MYCBP2: variants seen among roughly 807,000 people sequenced by gnomAD.
The protein encoded by MYCBP2 is MYC binding protein 2.
A neutral mutation model predicts 525.3 loss-of-function variants in MYCBP2; 120 were observed. The observed-to-expected ratio is 0.23, with a 90% CI of 0.20 to 0.27. The LOEUF (loss-of-function observed/expected upper bound fraction) is 0.27. Ranked by LOEUF, MYCBP2 falls within the 10% of genes least tolerant of loss-of-function variation. MYCBP2 has a pLI of 1.00. For synonymous variants in MYCBP2, 1,894 were observed against 1,955.8 expected, an observed-to-expected ratio of 0.97 and a Z score of 0.83; for missense variants, 4,149 against 5,657.1, an observed-to-expected ratio of 0.73 and a Z score of 8.55.
At chr13:77,274,761 C>T (rs995842901) in intron 4 of MYCBP2, among the ~76,000 whole-genome samples, 10 of 152,164 alleles carry the variant, frequency 6.6e-5, no homozygotes, top group African/African-American at 1.4e-4. Flanking sequence ...TCTTACCATT[C>T]GCTTTTGCCC....
In MYCBP2 at chr13:77,047,886, A is replaced by G. The variant is rs776265201; in HGVS notation, c.13922-2393T>C. ...GCACATTCCTTCCCCTTTCCAGTCC[A>G]TAAAAACCCTGGGCCCCAGCCTCAC... On this transcript the variant is annotated intron_variant, in intron 82 of 82. Transcript: ENST00000544440. Among the ~76,000 whole-genome samples, 72 of 152,064 alleles carry G rather than the reference A, an allele frequency of 4.7e-4. 2 individuals carry two copies. The highest frequency in any genetic ancestry group is 1.5e-4 in the Non-Finnish European group (10 of 67,994).
chr13:77,055,217 A>G (rs1034073600), intron 80 of MYCBP2, among the ~76,000 whole-genome samples: 2 of 152,122 alleles, frequency 1.3e-5, no homozygotes, highest in South Asian at 4.1e-4. Context: ...CTGGAAGCCA[A>G]GGAATTAAGG....
intron 52 of MYCBP2, among the ~76,000 whole-genome samples, chr13:77,138,186 C>T (rs190225325): frequency 6.6e-5 from 10 of 152,324 alleles, no homozygotes; most frequent in African/African-American, 2.4e-4. Context: ...ACATATCTTC[C>T]TTCTCTTTCT....
At chr13:77,176,671 A>G (rs763756500) in intron 35 of MYCBP2, 43 bp from the exon 36 acceptor site, 12 of 1,401,936 alleles carry the variant, frequency 8.6e-6, no homozygotes, top group Non-Finnish European at 1.0e-5. Flanking sequence ...ACAGACTCTT[A>G]ATTTTATTGT....
chr13:77,236,007 G>A (rs1310486605), intron 17 of MYCBP2, among the ~76,000 whole-genome samples: 4 of 152,114 alleles, frequency 2.6e-5, no homozygotes, highest in African/African-American at 9.7e-5. Flanking sequence ...TAGCCTTTTG[G>A]TTTTAAACAG....
chr13:77,087,766 C>T, intron 61 of MYCBP2, 133 bp from the exon 62 acceptor site: 1 of 793,604 alleles, frequency 1.3e-6, no homozygotes, highest in Non-Finnish European at 1.9e-6. Context: ...AAAAAAAATG[C>T]CTTATAGTTT....
chr13:77,249,112 A>G (rs1594324098), intron 15 of MYCBP2, among the ~76,000 whole-genome samples: 2 of 152,320 alleles, frequency 1.3e-5, no homozygotes, highest in South Asian at 4.1e-4. Context: ...GAGGCAGGGG[A>G]GAGGGAAGAA....
rs2038726033 is a variant in MYCBP2, at chr13:77,058,937, A to T, written c.13141-531T>A. On this transcript the variant is annotated intron_variant, in intron 77 of 82. Coordinates refer to ENST00000544440, the MANE Select transcript of MYCBP2 (RefSeq NM_015057.5). The surrounding 1 kb of genome is among the most constrained non-coding windows in gnomAD (Gnocchi z 4.1). The stretch of plus-strand genomic sequence containing the variant: ...GAGGCGGAGGTTGCAGTGAGCCGAG[A>T]TCGTGCCACTGTACTCCAGCCTGGG... Among the ~76,000 whole-genome samples the T allele has an allele frequency of 6.6e-6, 1 of 152,172 alleles. No individual in the cohort carries two copies. Among genetic ancestry groups the T allele is most frequent in the South Asian group, 2.1e-4 (1 of 4,822 alleles).
rs1277421327 is a variant in MYCBP2 at position 77,058,559 on chromosome 13, G to C, written c.13141-153C>G. Among the ~76,000 whole-genome samples the C allele has an allele frequency of 4.0e-5, 6 of 151,306 alleles. No individual in the cohort carries two copies. Among genetic ancestry groups the C allele is most frequent in the Non-Finnish European group, 5.9e-5 (4 of 67,832 alleles). On this transcript the variant is annotated intron_variant, in intron 77 of 82. Transcript: ENST00000544440. The surrounding 1 kb of genome is among the most constrained non-coding windows in gnomAD (Gnocchi z 4.1). The stretch of plus-strand genomic sequence containing the variant: ...CAAAGTAAAGTTATTTCTAATCTTT[G>C]TTTGAATATAAATTAGGCTTCTTAA...
At chr13:77,129,575 T>A (rs1162319191) in intron 52 of MYCBP2, 2 of 167,092 alleles carry the variant, frequency 1.2e-5, no homozygotes, top group Non-Finnish European at 2.6e-5. Context: ...AAGCCAGATT[T>A]GTTTTATGAC....
chr13:77,297,178 T>C (rs2078283007), intron 1 of MYCBP2, among the ~76,000 whole-genome samples: 1 of 152,228 alleles, frequency 6.6e-6, no homozygotes, highest in South Asian at 2.1e-4. Context: ...GACCAAATTA[T>C]TCTTTAAGCA....
chr13:77,051,094 A>G lies in MYCBP2; in HGVS notation c.13824T>C (p.Phe4608=), dbSNP rs1038146215. ...KCRYCCSVAV[F]FCFGTTHFCN... ...AAAAATGTGTTGTTCCAAAACAGAA[A>G]AAAACAGCCACTGAACAGCAGTAGC... Residue 4608 remains phenylalanine, a synonymous_variant, in exon 82 of 83, where the codon TTT becomes TTC. Coordinates refer to ENST00000544440, the MANE Select transcript of MYCBP2 (RefSeq NM_015057.5). 1.9e-6 allele frequency: 3 copies of G among 1,613,738 alleles called. No homozygotes were observed. The highest frequency in any genetic ancestry group is 2.5e-6 in the Non-Finnish European group (3 of 1,179,922).
intron 54 of MYCBP2, among the ~76,000 whole-genome samples, chr13:77,124,594 A>G (rs2051327532): frequency 6.6e-6 from 1 of 152,216 alleles, no homozygotes; most frequent in Non-Finnish European, 1.5e-5. Context: ...ATGGAAAGAT[A>G]AAAACCATGT....
chr13:77,159,377 A>G (rs929664888), intron 44 of MYCBP2, among the ~76,000 whole-genome samples: 1 of 152,094 alleles, frequency 6.6e-6, no homozygotes, highest in African/African-American at 2.4e-5. Flanking sequence ...GCAATTTGGG[A>G]CACCATTTTT....
intron 15 of MYCBP2, among the ~76,000 whole-genome samples, chr13:77,247,583 T>G (rs903343836): frequency 1.3e-5 from 2 of 152,124 alleles, no homozygotes; most frequent in Non-Finnish European, 2.9e-5. Context: ...ATCCTAAAAT[T>G]CATAGAAAAT....
At chr13:77,317,806 G>A (rs2081129617) in intron 1 of MYCBP2, among the ~76,000 whole-genome samples, 3 of 152,092 alleles carry the variant, frequency 2.0e-5, no homozygotes, top group Admixed American at 6.5e-5. Context: ...GCGTGGTGAT[G>A]TGCACCTGTA....
intron 3 of MYCBP2, among the ~76,000 whole-genome samples, chr13:77,281,405 A>G (rs1385492219): frequency 6.6e-6 from 1 of 152,084 alleles, no homozygotes; most frequent in Non-Finnish European, 1.5e-5. Flanking sequence ...AGCAAAATAA[A>G]TAAATGTGAT....
intron 27 of MYCBP2, among the ~76,000 whole-genome samples, chr13:77,192,881 C>A (rs1208750953): frequency 6.6e-6 from 1 of 152,156 alleles, no homozygotes; most frequent in Non-Finnish European, 1.5e-5. Flanking sequence ...GTAATCCCAG[C>A]ACTTTCAGAG....
At chr13:77,237,771 T>C (rs2068146317) in intron 17 of MYCBP2, among the ~76,000 whole-genome samples, 1 of 152,188 alleles carries the variant, frequency 6.6e-6, no homozygotes, top group Admixed American at 6.5e-5. Context: ...AAAATTCTAC[T>C]AATGGTTCTC....
Sources: allele counts gnomAD v4.1 joint callset (sites outside exome capture counted in the v4.1 genomes callset), GRCh38; gene constraint gnomAD v4.1.1; non-coding constraint Gnocchi (gnomAD v3.1); transcripts MANE v1.5; gene names NCBI Gene and HGNC (gene_info 2026-07-23, HGNC 2026-07-21).